The following ROBO1 variants were observed in gnomAD, a reference collection of about 807,000 sequenced individuals.
The protein encoded by ROBO1 is roundabout homolog 1.
In ROBO1, 149 loss-of-function variants were observed where a neutral mutation model predicts 195.9. That is an observed-to-expected ratio of 0.76 (90% CI 0.67 to 0.87). The LOEUF (loss-of-function observed/expected upper bound fraction) is 0.87. Ranked by LOEUF, ROBO1 falls within the 40% of genes least tolerant of loss-of-function variation. ROBO1 has a pLI of 0.00. For synonymous variants in ROBO1, 816 were observed against 733.2 expected (o/e 1.11, Z -1.82); for missense variants, 1,933 against 2,068.3 (o/e 0.93, Z 1.27).
At chr3:78,638,854 A>C (rs976352719) in intron 22 of ROBO1, among the ~76,000 whole-genome samples, 2 of 152,008 alleles carry the variant, frequency 1.3e-5, no homozygotes, top group Admixed American at 6.6e-5. Context: ...AGCCTAGGTG[A>C]AGAGCGAGAT....
intron 10 of ROBO1, among the ~76,000 whole-genome samples, chr3:78,674,033 T>C (rs79557704): frequency 0.02 from 3,045 of 152,286 alleles, 104 homozygotes; most frequent in African/African-American, 0.068. Context: ...CTTTTTTCTG[T>C]ATAAAATATA....
chr3:79,629,492 T>C (rs1414245517), intron 1 of ROBO1, among the ~76,000 whole-genome samples: 2 of 151,848 alleles, frequency 1.3e-5, no homozygotes, highest in African/African-American at 4.8e-5. Context: ...ACAGAAAAAG[T>C]GGTATTAAGA....
chr3:79,156,469 A>C (rs2080859953), intron 2 of ROBO1, among the ~76,000 whole-genome samples: 1 of 151,836 alleles, frequency 6.6e-6, no homozygotes, highest in African/African-American at 2.4e-5. Flanking sequence ...ATTGATTAAA[A>C]TAGCATTCTA....
intron 21 of ROBO1, 119 bp from the exon 22 acceptor site, chr3:78,640,017 T>C (rs1227060643): frequency 1.2e-6 from 1 of 839,022 alleles, no homozygotes; most frequent in Admixed American, 2.9e-5. Flanking sequence ...TGAACTATGC[T>C]GAATGACATT....
chr3:79,191,084 T>G (rs1203032564), intron 2 of ROBO1, among the ~76,000 whole-genome samples: 4 of 151,590 alleles, frequency 2.6e-5, no homozygotes, highest in Non-Finnish European at 4.4e-5. Flanking sequence ...ATGTAGAAAA[T>G]ATTAATTAAA....
At chr3:78,893,254 A>G (rs540188436) in intron 4 of ROBO1, among the ~76,000 whole-genome samples, 2 of 152,220 alleles carry the variant, frequency 1.3e-5, no homozygotes, top group Non-Finnish European at 2.9e-5. Flanking sequence ...TGATTAGGCC[A>G]TGAGCGCTCC....
At chr3:78,910,331 TTTG>T (rs535003567) in intron 4 of ROBO1, among the ~76,000 whole-genome samples, 200 of 152,044 alleles carry the variant, frequency 1.3e-3, no homozygotes, top group Admixed American at 2.4e-3. Flanking sequence ...TGTGTTTGTT[TTTG>T]TTTAGTTTCT....
At chr3:79,569,902 G>A (rs1470767398) in intron 2 of ROBO1, among the ~76,000 whole-genome samples, 5 of 151,772 alleles carry the variant, frequency 3.3e-5, no homozygotes, top group Admixed American at 6.6e-5. Context: ...GGTTGGAGGC[G>A]AGCTTAGGCA....
chr3:79,712,812 CCGT>C (rs2107238790), intron 1 of ROBO1, among the ~76,000 whole-genome samples: 1 of 152,202 alleles, frequency 6.6e-6, no homozygotes, highest in East Asian at 1.9e-4. Context: ...CCAATGCTTA[CCGT>C]TCCAAAAATC....
At chr3:78,807,332 T>C (rs2084576672) in intron 4 of ROBO1, among the ~76,000 whole-genome samples, 1 of 152,162 alleles carries the variant, frequency 6.6e-6, no homozygotes, top group Non-Finnish European at 1.5e-5. Flanking sequence ...TTCCCTATCT[T>C]TGGACATTTG....
intron 5 of ROBO1, among the ~76,000 whole-genome samples, chr3:78,741,905 A>G (rs2082541859): frequency 6.6e-6 from 1 of 152,156 alleles, no homozygotes; most frequent in Non-Finnish European, 1.5e-5. Flanking sequence ...TGTGCCAAAA[A>G]AGTTCTAAAA....
At chr3:79,372,375 A>AT (rs1354375215) in intron 2 of ROBO1, among the ~76,000 whole-genome samples, 2 of 151,442 alleles carry the variant, frequency 1.3e-5, no homozygotes, top group Admixed American at 6.6e-5. Context: ...CACCCAGCTA[A>AT]TTTTTTTGTA....
intron 2 of ROBO1, among the ~76,000 whole-genome samples, chr3:79,220,867 T>C (rs760767234): frequency 3.3e-5 from 5 of 152,074 alleles, no homozygotes; most frequent in Non-Finnish European, 7.4e-5. Context: ...ATTGACATTT[T>C]GGGCTGGATA....
At position 79,496,387 on chromosome 3, in the gene ROBO1, C is replaced by CATTTTTTTTTTTTTTTTTTTTTTTTTTT. The variant is rs145186389; in HGVS notation, c.88+93436_88+93437insAAAAAAAAAAAAAAAAAAAAAAAAAAAT. ...TTTTGGTATAATGCTGCGCACCCAT[C>CATTTTTTTTTTTTTTTTTTTTTTTTTTT]TTTTTTTGAGACGGAGTCTCGCTCT... On this transcript the variant is annotated intron_variant, in intron 2 of 30. Transcript: ENST00000464233. Among the ~76,000 whole-genome samples the CATTTTTTTTTTTTTTTTTTTTTTTTTTT allele has an allele frequency of 3.5e-3, 397 of 112,632 alleles. 96 individuals are homozygous for CATTTTTTTTTTTTTTTTTTTTTTTTTTT. The highest frequency in any genetic ancestry group is 6.4e-3 in the South Asian group (21 of 3,302). 73.9% of individuals were successfully genotyped at this position (112,632 alleles called of 152,430 possible).
chr3:79,245,109 G>A lies in ROBO1; in HGVS notation c.89-119570C>T, dbSNP rs188248000. On this transcript the variant is annotated intron_variant, in intron 2 of 30. Transcript: ENST00000464233. ...GTCATAACTTATATATGTTTTATGT[G>A]TATATATTTTAAACCATTGGATCTA... Among the ~76,000 whole-genome samples, 573 of 152,146 alleles carry A rather than the reference G, an allele frequency of 3.8e-3. 1 individual carries two copies. Among genetic ancestry groups the A allele is most frequent in the Middle Eastern group, 6.8e-3 (2 of 292 alleles).
chr3:79,414,613 C>A (rs1337061494), intron 2 of ROBO1, among the ~76,000 whole-genome samples: 1 of 151,966 alleles, frequency 6.6e-6, no homozygotes, highest in Non-Finnish European at 1.5e-5. Context: ...TTGAGATAAT[C>A]ATAATCATCA....
intron 7 of ROBO1, among the ~76,000 whole-genome samples, chr3:78,715,442 C>T (rs2081877520): frequency 6.6e-6 from 1 of 152,194 alleles, no homozygotes; most frequent in African/African-American, 2.4e-5. Context: ...GTTTACATCT[C>T]TGATCTGGAC....
intron 3 of ROBO1, among the ~76,000 whole-genome samples, chr3:78,999,325 T>A (rs753901460): frequency 6.6e-6 from 1 of 152,036 alleles, no homozygotes; most frequent in African/African-American, 2.4e-5. Flanking sequence ...AACAGTAGAA[T>A]AGATAAATAA....
chr3:79,090,375 C>A (rs990069507), intron 3 of ROBO1, among the ~76,000 whole-genome samples: 2 of 152,018 alleles, frequency 1.3e-5, no homozygotes, highest in African/African-American at 2.4e-5. Context: ...ATACATCATG[C>A]AAGATTCTTC....
Sources: gnomAD v4.1 joint callset for allele counts (sites outside exome capture counted in the v4.1 genomes callset) on GRCh38, gnomAD v4.1.1 for gene constraint, MANE v1.5 for transcripts, NCBI Gene and HGNC (gene_info 2026-07-23, HGNC 2026-07-21) for gene names.